The following ARHGAP22 variants were observed in gnomAD, a reference collection of about 807,000 sequenced individuals.
ARHGAP22 encodes Rho GTPase activating protein 22.
A neutral mutation model predicts 59.1 loss-of-function variants in ARHGAP22; 48 were observed. The observed-to-expected ratio is 0.81, with a 90% CI of 0.64 to 1.03. The LOEUF (loss-of-function observed/expected upper bound fraction) is 1.03. Ranked by LOEUF, ARHGAP22 falls within the 50% of genes least tolerant of loss-of-function variation. ARHGAP22 has a pLI of 0.00. For synonymous variants in ARHGAP22, 445 were observed against 416.4 expected (o/e 1.07, Z -0.84); for missense variants, 1,015 against 958.7 (o/e 1.06, Z -0.78).
chr10:48,630,253 G>T (rs533688786), intron 1 of ARHGAP22, among the ~76,000 whole-genome samples: 1 of 151,964 alleles, frequency 6.6e-6, no homozygotes, highest in Non-Finnish European at 1.5e-5. Context: ...CACCTCGCTC[G>T]GCTAATTTTT....
At chr10:48,523,611 C>T (rs1486214309) in intron 3 of ARHGAP22, among the ~76,000 whole-genome samples, 1 of 152,242 alleles carries the variant, frequency 6.6e-6, no homozygotes, top group Non-Finnish European at 1.5e-5. Context: ...TGGTCCCTCT[C>T]CCGGCAGTTA....
At chr10:48,569,367 C>T (rs1029238642) in intron 2 of ARHGAP22, among the ~76,000 whole-genome samples, 3 of 152,222 alleles carry the variant, frequency 2.0e-5, no homozygotes, top group African/African-American at 7.2e-5. Flanking sequence ...TACCCATCGT[C>T]CTCGGCAGCC....
intron 2 of ARHGAP22, among the ~76,000 whole-genome samples, chr10:48,556,190 C>G (rs12781463): frequency 0.034 from 5,175 of 152,266 alleles, 143 homozygotes; most frequent in Non-Finnish European, 0.05. Flanking sequence ...GACGGGGAGG[C>G]TGGCTTTGAG....
At chr10:48,463,742 C>T (rs1318221679) in intron 4 of ARHGAP22, among the ~76,000 whole-genome samples, 2 of 152,232 alleles carry the variant, frequency 1.3e-5, no homozygotes, top group African/African-American at 4.8e-5. Context: ...CCTGCCACTA[C>T]TCCAGACAGT....
intron 3 of ARHGAP22, among the ~76,000 whole-genome samples, chr10:48,491,871 G>A (rs904530640): frequency 2.0e-5 from 3 of 152,226 alleles, no homozygotes; most frequent in Non-Finnish European, 4.4e-5. Flanking sequence ...AGGGAACTAT[G>A]ACCCCGGGAA....
intron 3 of ARHGAP22, chr10:48,546,496 G>T: frequency 6.2e-6 from 1 of 160,426 alleles, no homozygotes; most frequent in East Asian, 1.7e-4. Context: ...ATTCCGTTAG[G>T]GGTGACCCTG....
At chr10:48,570,899 G>A (rs2058355135) in intron 2 of ARHGAP22, among the ~76,000 whole-genome samples, 1 of 152,224 alleles carries the variant, frequency 6.6e-6, no homozygotes, top group South Asian at 2.1e-4. Flanking sequence ...GGACTGCCAG[G>A]GGTGCCCACA....
At chr10:48,655,447 G>T (rs1235351725), upstream of ARHGAP22, 1 of 152,420 alleles carries the variant, frequency 6.6e-6, no homozygotes, top group Non-Finnish European at 1.5e-5. Flanking sequence ...ACCTCAGGGG[G>T]AGAAGGGACA....
chr10:48,521,377 C>T (rs2053794419), intron 3 of ARHGAP22, among the ~76,000 whole-genome samples: 2 of 152,176 alleles, frequency 1.3e-5, no homozygotes, highest in South Asian at 2.1e-4. Context: ...GATGATGACA[C>T]CTACTAATGT....
At chr10:48,496,122 T>C (rs1467361745) in intron 3 of ARHGAP22, among the ~76,000 whole-genome samples, 1 of 152,072 alleles carries the variant, frequency 6.6e-6, no homozygotes, top group African/African-American at 2.4e-5. Context: ...GGATAATAAA[T>C]GTTTGTGTTT....
At chr10:48,484,470 C>T (rs2049662663) in intron 3 of ARHGAP22, among the ~76,000 whole-genome samples, 1 of 152,166 alleles carries the variant, frequency 6.6e-6, no homozygotes, top group Admixed American at 6.5e-5. Context: ...CTTACAGTGT[C>T]TTGGTCTGGT....
intron 1 of ARHGAP22, among the ~76,000 whole-genome samples, chr10:48,644,039 T>A (rs1225827174): frequency 2.0e-5 from 3 of 151,902 alleles, no homozygotes; most frequent in Non-Finnish European, 4.4e-5. Flanking sequence ...CCCAGCTACG[T>A]GGGAGGCTGA....
At chr10:48,620,927 G>C (rs1351302867) in intron 1 of ARHGAP22, among the ~76,000 whole-genome samples, 1 of 152,268 alleles carries the variant, frequency 6.6e-6, no homozygotes, top group East Asian at 1.9e-4. Context: ...TCAGAGGGAG[G>C]AGTTCAGGCT....
chr10:48,455,857 G>C (rs893075340), intron 5 of ARHGAP22, among the ~76,000 whole-genome samples: 2 of 152,240 alleles, frequency 1.3e-5, no homozygotes, highest in African/African-American at 2.4e-5. Flanking sequence ...CAGGTCGGAG[G>C]TCAGGCCCTT....
Position 48,586,588 on chromosome 10 carries a change from A to G in ARHGAP22, c.35-3436T>C, listed in dbSNP as rs559358260. On this transcript the variant is annotated intron_variant, in intron 1 of 9. Coordinates refer to ENST00000249601, the MANE Select transcript of ARHGAP22 (RefSeq NM_021226.4). Reference sequence around the variant, plus strand: ...TGTCACTATACACTGCCTTCTAGAGATGGCATTTGGCTGTATTACACCAAA... The same window carrying G: ...TGTCACTATACACTGCCTTCTAGAGGTGGCATTTGGCTGTATTACACCAAA... Among the ~76,000 whole-genome samples the G allele has an allele frequency of 2.6e-5, 4 of 152,286 alleles. No individual in the cohort carries two copies. In the South Asian group the frequency reaches 8.3e-4, roughly 32 times the overall value.
At chr10:48,561,989 G>A (rs1463752859) in intron 2 of ARHGAP22, among the ~76,000 whole-genome samples, 1 of 152,200 alleles carries the variant, frequency 6.6e-6, no homozygotes, top group African/African-American at 2.4e-5. Context: ...CACTTTGGGG[G>A]GCCGAGGTGG....
intron 2 of ARHGAP22, among the ~76,000 whole-genome samples, chr10:48,557,819 A>C (rs2057405629): frequency 6.6e-6 from 1 of 152,166 alleles, no homozygotes; most frequent in Non-Finnish European, 1.5e-5. Context: ...CAGGTCAAGA[A>C]TGTGGCTCTG....
intron 3 of ARHGAP22, among the ~76,000 whole-genome samples, chr10:48,526,583 A>G (rs2054345008): frequency 6.6e-6 from 1 of 152,226 alleles, no homozygotes; most frequent in African/African-American, 2.4e-5. Context: ...ATTCCAAGCT[A>G]GAGCTCCCTG....
At chr10:48,618,372 C>G (rs761810021) in intron 1 of ARHGAP22, among the ~76,000 whole-genome samples, 2 of 152,004 alleles carry the variant, frequency 1.3e-5, no homozygotes, top group Non-Finnish European at 2.9e-5. Flanking sequence ...GATGCCCAAA[C>G]CAGATAAGGA....
Sources: gnomAD v4.1 joint callset for allele counts (sites outside exome capture counted in the v4.1 genomes callset) on GRCh38, gnomAD v4.1.1 for gene constraint, MANE v1.5 for transcripts, NCBI Gene and HGNC (gene_info 2026-07-23, HGNC 2026-07-21) for gene names.